The following CERKL variants were observed in gnomAD, a reference collection of about 807,000 sequenced individuals.
CERKL encodes the protein ceramide kinase-like protein.
Under a neutral mutation model 63.4 loss-of-function variants are expected in CERKL, and 61 were observed. That is an observed-to-expected ratio of 0.96 (90% confidence interval 0.78 to 1.19). CERKL has a LOEUF of 1.19. CERKL is among the 50% of genes most tolerant of loss of function. The pLI, the probability that CERKL is intolerant of heterozygous loss-of-function variation, is 0.00. For synonymous variants in CERKL, 250 were observed against 230.5 expected (o/e 1.08, Z -0.77); for missense variants, 675 against 655.5 (o/e 1.03, Z -0.33).
At chr2:181,616,510 C>T (rs1159895685) in intron 1 of CERKL, among the ~76,000 whole-genome samples, 5 of 152,170 alleles carry the variant, frequency 3.3e-5, no homozygotes, top group African/African-American at 1.2e-4. Context: ...CCGCACCCAG[C>T]CTAAATGTTA....
intron 2 of CERKL, among the ~76,000 whole-genome samples, chr2:181,589,960 A>C (rs1409724766): frequency 1.3e-5 from 2 of 151,356 alleles, no homozygotes; most frequent in African/African-American, 4.9e-5. Flanking sequence ...CTACTGGTGC[A>C]TGCTACCACA....
intron 5 of CERKL, among the ~76,000 whole-genome samples, chr2:181,553,757 T>G (rs760345341): frequency 1.7e-4 from 26 of 152,316 alleles, no homozygotes; most frequent in Admixed American, 3.9e-4. Flanking sequence ...TCTTTAAATG[T>G]GGTTTTTGAC....
At chr2:181,592,183 C>G (rs1685016123) in intron 2 of CERKL, among the ~76,000 whole-genome samples, 1 of 152,140 alleles carries the variant, frequency 6.6e-6, no homozygotes, top group African/African-American at 2.4e-5. Context: ...TACAAGAAAT[C>G]TGAATCATCT....
chr2:181,577,691 T>C (rs1684310235), intron 2 of CERKL, among the ~76,000 whole-genome samples: 1 of 151,984 alleles, frequency 6.6e-6, no homozygotes, highest in African/African-American at 2.4e-5. Flanking sequence ...TACAGAGACT[T>C]AGAGGCATGG....
At chr2:181,629,105 TTA>T (rs1686838051) in intron 1 of CERKL, among the ~76,000 whole-genome samples, 1 of 152,186 alleles carries the variant, frequency 6.6e-6, no homozygotes, top group African/African-American at 2.4e-5. Flanking sequence ...TTTAACACAA[TTA>T]TATCATTTTT....
chr2:181,622,059 T>C (rs1022464749), intron 1 of CERKL, among the ~76,000 whole-genome samples: 17 of 152,216 alleles, frequency 1.1e-4, no homozygotes, highest in African/African-American at 3.4e-4. Context: ...TTTATATAGA[T>C]AGCAAGAGGT....
intron 1 of CERKL, among the ~76,000 whole-genome samples, chr2:181,618,313 A>G (rs1180531221): frequency 1.3e-5 from 2 of 151,892 alleles, no homozygotes; most frequent in Non-Finnish European, 2.9e-5. Context: ...AATTTAAAAT[A>G]GAAGAGTGGT....
chr2:181,643,432 A>G (rs1358126244), intron 1 of CERKL, among the ~76,000 whole-genome samples: 1 of 152,246 alleles, frequency 6.6e-6, no homozygotes, highest in Non-Finnish European at 1.5e-5. Context: ...TGGAGGAGGG[A>G]AGCTATAAAA....
chr2:181,586,634 C>T (rs894527424), intron 2 of CERKL, among the ~76,000 whole-genome samples: 4 of 152,162 alleles, frequency 2.6e-5, no homozygotes, highest in South Asian at 2.1e-4. Context: ...CTTTTTAGCA[C>T]GCCAGTTTGC....
rs547930422 is a variant in CERKL at position 181,638,949 on chromosome 2, T to C, written c.238+17820A>G. ...GGTTATTCTTGCCCATGAGAAACTATAGGCCAAACTAGTTTGTTCAAAACA... is the reference window on the plus strand; with the variant it reads ...GGTTATTCTTGCCCATGAGAAACTACAGGCCAAACTAGTTTGTTCAAAACA... On this transcript the variant is annotated intron_variant, in intron 1 of 12. Coordinates refer to ENST00000410087, the MANE Select transcript of CERKL (RefSeq NM_201548.5). Among the ~76,000 whole-genome samples the C allele has an allele frequency of 2.4e-4, 36 of 152,048 alleles. 2 individuals are homozygous for C. The South Asian group carries it at 7.5e-3, about 32-fold the overall frequency.
intron 1 of CERKL, among the ~76,000 whole-genome samples, chr2:181,629,762 T>A (rs1284689026): frequency 6.6e-6 from 1 of 152,110 alleles, no homozygotes; most frequent in African/African-American, 2.4e-5. Context: ...CCTGTCCATA[T>A]AACTATTATT....
intron 4 of CERKL, chr2:181,565,637 G>A: frequency 3.7e-6 from 3 of 813,970 alleles, no homozygotes; most frequent in Non-Finnish European, 6.1e-6. Flanking sequence ...ATCTATCACA[G>A]ACAAGTTAAC....
chr2:181,637,468 G>C (rs1687228988), intron 1 of CERKL, among the ~76,000 whole-genome samples: 1 of 152,082 alleles, frequency 6.6e-6, no homozygotes, highest in Non-Finnish European at 1.5e-5. Flanking sequence ...GAACTTCTGG[G>C]CATATTGCTA....
chr2:181,629,962 G>GA (rs10562771), intron 1 of CERKL, among the ~76,000 whole-genome samples: 19,291 of 129,888 alleles, frequency 0.15, 1,394 homozygotes, highest in East Asian at 0.22. Flanking sequence ...CATTGTCTTG[G>GA]AAAAAAAAAA....
In CERKL at chr2:181,537,864, ACAG is replaced by A. The variant is rs1184553888; in HGVS notation, c.*317_*319del. 2 of 523,698 alleles carry A rather than the reference ACAG, an allele frequency of 3.8e-6. No homozygotes were observed. The highest frequency in any genetic ancestry group is 3.8e-5 in the African/African-American group (2 of 52,844). 32.4% of individuals were successfully genotyped at this position (523,698 alleles called of 1,614,324 possible). A position where few individuals can be genotyped will look rare whatever the true frequency, so the allele number is the denominator to read the frequency against. ...TCTATTAGGATATCCGTTTGGCCAC[ACAG>A]CAGGAGGTTAGAGCAATGGAGCATT... On this transcript the variant is annotated 3_prime_UTR_variant, in exon 13 of 13. Transcript: ENST00000410087.
chr2:181,645,529 G>T (rs754145089), intron 1 of CERKL, among the ~76,000 whole-genome samples: 5 of 152,196 alleles, frequency 3.3e-5, no homozygotes, highest in Non-Finnish European at 7.3e-5. Context: ...AGTTGGCTTT[G>T]GACTGTGAAA....
chr2:181,655,099 A>G (rs1051817069), intron 1 of CERKL, among the ~76,000 whole-genome samples: 1 of 152,250 alleles, frequency 6.6e-6, no homozygotes, highest in Non-Finnish European at 1.5e-5. Flanking sequence ...TGTATGAAGG[A>G]AAAGACCACC....
chr2:181,554,992 G>T (rs6737659), intron 5 of CERKL, among the ~76,000 whole-genome samples: 1 of 151,870 alleles, frequency 6.6e-6, no homozygotes, highest in African/African-American at 2.4e-5. Flanking sequence ...AAACAAGACA[G>T]GTTAAAATGG....
intron 2 of CERKL, among the ~76,000 whole-genome samples, chr2:181,601,990 T>C (rs1661501150): frequency 6.6e-6 from 1 of 152,230 alleles, no homozygotes; most frequent in African/African-American, 2.4e-5. Flanking sequence ...AGTTTATTCA[T>C]CTCTGTAATT....
Sources: gnomAD v4.1 joint callset for allele counts (sites outside exome capture counted in the v4.1 genomes callset) on GRCh38, gnomAD v4.1.1 for gene constraint, MANE v1.5 for transcripts, NCBI Gene and HGNC (gene_info 2026-07-23, HGNC 2026-07-21) for gene names.